Variants in RHOJ observed in about 807,000 individuals in gnomAD.
The protein encoded by RHOJ is ras homolog family member J.
In RHOJ, 11 loss-of-function variants were observed where a neutral mutation model predicts 23.4. That is an observed-to-expected ratio of 0.47 (90% CI 0.30 to 0.78). RHOJ has a LOEUF of 0.78. RHOJ is among the 30% of genes least tolerant of loss of function. RHOJ has a pLI of 0.08. For missense variants in RHOJ, 254 were observed against 273.4 expected (o/e 0.93, Z 0.50); for synonymous variants, 102 against 102.7 (o/e 0.99, Z 0.04).
chr14:63,261,405 C>T (rs935489976), intron 1 of RHOJ, among the ~76,000 whole-genome samples: 2 of 151,920 alleles, frequency 1.3e-5, no homozygotes, highest in African/African-American at 4.8e-5. Flanking sequence ...AACCTAACCA[C>T]CTATGCTAAC....
At chr14:63,229,826 G>A (rs567641883) in intron 1 of RHOJ, among the ~76,000 whole-genome samples, 3 of 152,162 alleles carry the variant, frequency 2.0e-5, no homozygotes, top group Admixed American at 6.5e-5. Flanking sequence ...CTCCTTTGCC[G>A]GGTAACAGTA....
In RHOJ at chr14:63,251,712, A is replaced by T. The variant is rs150846300; in HGVS notation, c.179-17398A>T. 8.1e-4 allele frequency among the ~76,000 whole-genome samples: 124 copies of T among 152,360 alleles called. 1 individual carries two copies. Among genetic ancestry groups the T allele is most frequent in the African/African-American group, 2.9e-3 (120 of 41,582 alleles). On this transcript the variant is annotated intron_variant, in intron 1 of 4. Coordinates refer to ENST00000316754, the MANE Select transcript of RHOJ (RefSeq NM_020663.5). ...GGAAAGGAGGTCCTCTCTCCCAAAC[A>T]TCATTGACTTAATAACATTTATTTA... is the stretch of plus-strand genomic sequence containing the variant.
At chr14:63,265,787 A>G (rs1406258326) in intron 1 of RHOJ, among the ~76,000 whole-genome samples, 1 of 152,244 alleles carries the variant, frequency 6.6e-6, no homozygotes, top group African/African-American at 2.4e-5. Context: ...AGGCCTGGAA[A>G]GGCCAAGGGC....
intron 1 of RHOJ, among the ~76,000 whole-genome samples, chr14:63,267,461 TG>T (rs1895388798): frequency 6.6e-6 from 1 of 152,240 alleles, no homozygotes; most frequent in African/African-American, 2.4e-5. Flanking sequence ...AAGGGGTCTC[TG>T]GAACAGCTGC....
chr14:63,216,617 CTA>C (rs1392530336), intron 1 of RHOJ, among the ~76,000 whole-genome samples: 1 of 152,180 alleles, frequency 6.6e-6, no homozygotes, highest in African/African-American at 2.4e-5. Context: ...ACTGGAAGCA[CTA>C]AATGCTTTTT....
At chr14:63,226,082 A>C (rs1894589544) in intron 1 of RHOJ, among the ~76,000 whole-genome samples, 1 of 152,144 alleles carries the variant, frequency 6.6e-6, no homozygotes, top group African/African-American at 2.4e-5. Context: ...TCACCTCTTT[A>C]TATAATAATC....
intron 1 of RHOJ, among the ~76,000 whole-genome samples, chr14:63,264,211 C>T (rs1178718300): frequency 2.6e-5 from 4 of 152,076 alleles, no homozygotes; most frequent in Admixed American, 6.5e-5. Flanking sequence ...TGTCTATTGT[C>T]GCCATCTTTG....
At chr14:63,289,620 G>A (rs747618261) in intron 4 of RHOJ, among the ~76,000 whole-genome samples, 5 of 152,190 alleles carry the variant, frequency 3.3e-5, no homozygotes, top group Non-Finnish European at 5.9e-5. Flanking sequence ...AAATAAAACC[G>A]CAGGTCTCCT....
At position 63,230,311 on chromosome 14, in the gene RHOJ, A is replaced by G. The variant is rs187114865; in HGVS notation, c.178+25264A>G. On this transcript the variant is annotated intron_variant, in intron 1 of 4. Coordinates refer to ENST00000316754, the MANE Select transcript of RHOJ (RefSeq NM_020663.5). ...TGAAAACAGAAATGTTGTCCCTCAC[A>G]TAAAGACTTTGAAGTTGCCATCAAC... Among the ~76,000 whole-genome samples the G allele has an allele frequency of 2.9e-4, 44 of 152,326 alleles. 1 individual carries two copies. Among genetic ancestry groups the G allele is most frequent in the African/African-American group, 8.2e-4 (34 of 41,572 alleles).
At chr14:63,216,755 G>A (rs897989016) in intron 1 of RHOJ, among the ~76,000 whole-genome samples, 4 of 152,170 alleles carry the variant, frequency 2.6e-5, no homozygotes, top group Non-Finnish European at 4.4e-5. Context: ...AAGAGTTGAT[G>A]CTACATCTTC....
intron 1 of RHOJ, among the ~76,000 whole-genome samples, chr14:63,208,114 A>T (rs1955679): frequency 2.0e-5 from 3 of 152,032 alleles, no homozygotes; most frequent in African/African-American, 7.3e-5. Flanking sequence ...TAATAGTAAT[A>T]GGATATTAAA....
intron 2 of RHOJ, among the ~76,000 whole-genome samples, chr14:63,269,806 A>C (rs1895433732): frequency 6.6e-6 from 1 of 152,232 alleles, no homozygotes; most frequent in South Asian, 2.1e-4. Context: ...ACACAAGACA[A>C]CGGGCTAAAA....
intron 1 of RHOJ, among the ~76,000 whole-genome samples, chr14:63,254,039 G>A (rs879102915): frequency 3.9e-5 from 6 of 152,118 alleles, no homozygotes; most frequent in South Asian, 2.1e-4. Flanking sequence ...AGAGCCAGCC[G>A]CTTGTGGAGG....
intron 4 of RHOJ, 114 bp from the exon 5 acceptor site, chr14:63,290,764 C>A: frequency 2.0e-6 from 2 of 976,848 alleles, no homozygotes; most frequent in Non-Finnish European, 3.0e-6. Flanking sequence ...CAAACCACCC[C>A]ACAGGCTGTT....
At chr14:63,251,743 T>C (rs1566619024) in intron 1 of RHOJ, among the ~76,000 whole-genome samples, 2 of 152,222 alleles carry the variant, frequency 1.3e-5, no homozygotes, top group Non-Finnish European at 2.9e-5. Flanking sequence ...ATTTAGTAAG[T>C]ATTTTATAAG....
In RHOJ at chr14:63,292,023, A is replaced by C. The variant is rs1444150474; in HGVS notation, c.*999A>C. 6.6e-6 allele frequency: 1 copy of C among 152,128 alleles called. No individual in the cohort carries two copies. The highest frequency in any genetic ancestry group is 1.9e-4 in the East Asian group (1 of 5,204). The allele number at this position is 152,128 out of a possible 1,614,324, so 9.4% of individuals were successfully genotyped here. A position where few individuals can be genotyped will look rare whatever the true frequency, so the allele number is the denominator to read the frequency against. ...ATGCCCGGATCCTTTTATTCTCCCCAGTTATAACCCAGTTATAAAAGAAAG... is the reference window on the plus strand; with the variant it reads ...ATGCCCGGATCCTTTTATTCTCCCCCGTTATAACCCAGTTATAAAAGAAAG... On this transcript the variant is annotated 3_prime_UTR_variant, in exon 5 of 5. Transcript: ENST00000316754.
At position 63,223,647 on chromosome 14, in the gene RHOJ, A is replaced by C. The variant is rs1894539230; in HGVS notation, c.178+18600A>C. On this transcript the variant is annotated intron_variant, in intron 1 of 4. Coordinates refer to ENST00000316754, the MANE Select transcript of RHOJ (RefSeq NM_020663.5). ...ATTTCAAGGACACCCCTGGAAGAAA[A>C]GACAGAGAAAACCAGAGACAGAGAT... Among the ~76,000 whole-genome samples the C allele has an allele frequency of 2.6e-5, 4 of 152,222 alleles. No homozygotes were observed. The South Asian group carries it at 6.2e-4, about 24-fold the overall frequency.
At chr14:63,217,955 A>T (rs1347689133) in intron 1 of RHOJ, among the ~76,000 whole-genome samples, 1 of 152,134 alleles carries the variant, frequency 6.6e-6, no homozygotes, top group African/African-American at 2.4e-5. Context: ...ATTCTTTTAG[A>T]TTACCTCTTT....
At chr14:63,267,445 C>T (rs1253439768) in intron 1 of RHOJ, among the ~76,000 whole-genome samples, 1 of 152,222 alleles carries the variant, frequency 6.6e-6, no homozygotes, top group Non-Finnish European at 1.5e-5. Context: ...TGTCATGAGA[C>T]AATCTAAGGG....
Sources: allele counts gnomAD v4.1 joint callset (sites outside exome capture counted in the v4.1 genomes callset), GRCh38; gene constraint gnomAD v4.1.1; transcripts MANE v1.5; gene names NCBI Gene and HGNC (gene_info 2026-07-23, HGNC 2026-07-21).